Variants in SYT14 observed in about 807,000 individuals in gnomAD.
The protein encoded by SYT14 is synaptotagmin 14, also known as synaptotagmin-14.
SYT14 carries 32 observed loss-of-function variants against 74.2 expected under a neutral mutation model. The ratio of observed to expected loss-of-function variants is 0.43; its 90% CI spans 0.33 to 0.58. The LOEUF is 0.58. Among genes scored for constraint, SYT14 ranks in the 20% least tolerant of loss-of-function variants. The pLI is 0.05. For synonymous variants in SYT14, 298 were observed against 337.7 expected (o/e 0.88, Z 1.29); for missense variants, 791 against 981.8 (o/e 0.81, Z 2.60).
chr1:210,103,377 C>T (rs750534655), intron 7 of SYT14, among the ~76,000 whole-genome samples: 3 of 151,654 alleles, frequency 2.0e-5, no homozygotes, highest in Admixed American at 6.6e-5. Flanking sequence ...GATGAAACCC[C>T]GTCTCTACTA....
chr1:209,938,319 C>G, intron 1 of SYT14, 42 bp downstream of exon 1: 2 of 1,538,884 alleles, frequency 1.3e-6, no homozygotes, highest in Non-Finnish European at 1.8e-6. Context: ...CCGGGACCAC[C>G]CAGCTGGCGG....
chr1:210,100,985 AC>A (rs1177580748), intron 7 of SYT14, among the ~76,000 whole-genome samples: 1 of 152,108 alleles, frequency 6.6e-6, no homozygotes, highest in Admixed American at 6.6e-5. Flanking sequence ...TAGACTTTCC[AC>A]CCTTTTTAAA....
chr1:210,051,451 A>C (rs141399304), intron 5 of SYT14, among the ~76,000 whole-genome samples: 1 of 152,338 alleles, frequency 6.6e-6, no homozygotes, highest in Non-Finnish European at 1.5e-5. Flanking sequence ...ATTAGTCTAA[A>C]TTAAAAGCTA....
chr1:210,083,107 AGTAGTTGGG>A (rs2081647722), intron 5 of SYT14, among the ~76,000 whole-genome samples: 1 of 133,656 alleles, frequency 7.5e-6, no homozygotes, highest in Non-Finnish European at 1.7e-5. Flanking sequence ...CACCCTCCCA[AGTAGTTGGG>A]ATTGTAGGCA....
At chr1:210,156,648 TACCTAAAAGAGGTA>T (rs1164713642) in intron 8 of SYT14, among the ~76,000 whole-genome samples, 2 of 150,612 alleles carry the variant, frequency 1.3e-5, no homozygotes, top group African/African-American at 2.4e-5. Context: ...AAAATGTTGG[TACCTAAAAGAGGTA>T]AACTGGGAAA....
chr1:209,945,669 A>G (rs1011527367), intron 1 of SYT14, among the ~76,000 whole-genome samples: 1 of 152,240 alleles, frequency 6.6e-6, no homozygotes, highest in Admixed American at 6.5e-5. Context: ...CCAAGAAGAA[A>G]TAAGTAGAAC....
chr1:210,120,856 A>G (rs1335910512), intron 7 of SYT14, among the ~76,000 whole-genome samples: 1 of 152,206 alleles, frequency 6.6e-6, no homozygotes, highest in African/African-American at 2.4e-5. Flanking sequence ...ACTGTCCTTT[A>G]AGCTGTGTTA....
intron 2 of SYT14, among the ~76,000 whole-genome samples, chr1:209,963,936 C>T (rs1461666046): frequency 6.6e-6 from 1 of 152,192 alleles, no homozygotes; most frequent in Non-Finnish European, 1.5e-5. Context: ...GCCAGCTATA[C>T]AATACCAGTT....
chr1:210,082,766 A>T (rs1209763497), intron 5 of SYT14, among the ~76,000 whole-genome samples: 1 of 152,204 alleles, frequency 6.6e-6, no homozygotes, highest in African/African-American at 2.4e-5. Context: ...TCTGTTTGAT[A>T]CTAATAGTAG....
At chr1:210,084,747 A>G (rs1327673600) in intron 5 of SYT14, among the ~76,000 whole-genome samples, 3 of 152,376 alleles carry the variant, frequency 2.0e-5, no homozygotes, top group Admixed American at 1.3e-4. Context: ...TACATATCAG[A>G]TACCAAAGCT....
exon 7 of SYT14, chr1:210,100,230 A>G (rs1185805164): frequency 1.2e-6 from 2 of 1,614,120 alleles, no homozygotes; most frequent in Non-Finnish European, 8.5e-7. Context: ...AGAAACAGAG[A>G]GCAAAAACCA....
intron 2 of SYT14, among the ~76,000 whole-genome samples, chr1:209,964,393 G>A (rs531627730): frequency 6.6e-6 from 1 of 152,210 alleles, no homozygotes; most frequent in Non-Finnish European, 1.5e-5. Flanking sequence ...AATACAGTCA[G>A]TTTCTGTAGT....
At chr1:209,988,383 T>A (rs1003564635) in intron 2 of SYT14, among the ~76,000 whole-genome samples, 7 of 152,224 alleles carry the variant, frequency 4.6e-5, no homozygotes, top group Admixed American at 1.3e-4. Context: ...ATTGTTAGTG[T>A]CCCTGTCTCC....
At chr1:209,963,650 A>T (rs1027688003) in intron 2 of SYT14, among the ~76,000 whole-genome samples, 1 of 152,210 alleles carries the variant, frequency 6.6e-6, no homozygotes, top group East Asian at 1.9e-4. Context: ...CATCAACTGA[A>T]ATATGACTCA....
At chr1:210,026,664 C>A (rs953539472) in intron 5 of SYT14, among the ~76,000 whole-genome samples, 1 of 151,066 alleles carries the variant, frequency 6.6e-6, no homozygotes, top group Non-Finnish European at 1.5e-5. Context: ...TTGTCATTCT[C>A]TTTCTGTTAT....
chr1:209,958,472 C>T (rs2079026993), intron 2 of SYT14, among the ~76,000 whole-genome samples: 1 of 151,632 alleles, frequency 6.6e-6, no homozygotes. Context: ...ATCTCTAGAT[C>T]TATGTGGAGA....
rs964110512 is a variant in SYT14, at chr1:210,105,639, G to A, written c.2034+5178G>A. Among the ~76,000 whole-genome samples the A allele has an allele frequency of 6.6e-5, 10 of 152,168 alleles. 1 individual carries two copies. The highest frequency in any genetic ancestry group is 6.5e-4 in the Admixed American group (10 of 15,270). On this transcript the variant is annotated intron_variant, in intron 7 of 9. Coordinates refer to ENST00000637265, the Ensembl canonical transcript of SYT14. ...TGCGGTCGAGAATCAGATGAAGCAGGTAATATAGTTTGGATTTCCCCTCCA... is the reference window on the plus strand; with the variant it reads ...TGCGGTCGAGAATCAGATGAAGCAGATAATATAGTTTGGATTTCCCCTCCA...
Position 210,009,967 on chromosome 1 carries a change from CTCT to C in SYT14, c.-485-3658_-485-3656del, listed in dbSNP as rs139292280. ...AACTCTTCTTCTTTCTTATCCTCAA[CTCT>C]TCTTCTTTCTTATCCTCTAAATTTA... On this transcript the variant is annotated intron_variant, in intron 2 of 9. Coordinates refer to ENST00000637265, the Ensembl canonical transcript of SYT14. 5.9e-3 allele frequency among the ~76,000 whole-genome samples: 894 copies of C among 152,156 alleles called. 11 individuals are homozygous for C. Among genetic ancestry groups the C allele is most frequent in the African/African-American group, 0.021 (869 of 41,526 alleles).
rs568376488 is a variant in SYT14 at position 210,162,527 on chromosome 1, A to G, written c.*1485A>G. Reference sequence around the variant, plus strand: ...TACTTTATCAGAGTATGTTTTATATATATTAAAAATAGTTTCTTTTTTCTC... The same window carrying G: ...TACTTTATCAGAGTATGTTTTATATGTATTAAAAATAGTTTCTTTTTTCTC... On this transcript the variant is annotated 3_prime_UTR_variant, in exon 10 of 10. Transcript: ENST00000637265. 4.4e-3 allele frequency: 1,495 copies of G among 341,272 alleles called. 19 individuals are homozygous for G. Among genetic ancestry groups the G allele is most frequent in the Non-Finnish European group, 7.1e-3 (1,273 of 179,092 alleles). 21.1% of individuals were successfully genotyped at this position (341,272 alleles called of 1,614,324 possible).
Sources: allele counts gnomAD v4.1 joint callset (sites outside exome capture counted in the v4.1 genomes callset), GRCh38; gene constraint gnomAD v4.1.1; transcripts MANE v1.5; gene names NCBI Gene and HGNC (gene_info 2026-07-23, HGNC 2026-07-21).